RFX8: variants seen among roughly 807,000 people sequenced by gnomAD.
RFX8 encodes the protein DNA-binding protein RFX8.
Under a neutral mutation model 54.6 loss-of-function variants are expected in RFX8, and 46 were observed. That is an observed-to-expected ratio of 0.84 (90% confidence interval 0.67 to 1.08). The LOEUF (loss-of-function observed/expected upper bound fraction) is 1.08, where lower values mean the gene tolerates loss of function less well. Ranked by LOEUF, RFX8 falls within the 50% of genes least tolerant of loss-of-function variation. The pLI is 0.00. For synonymous variants in RFX8, 192 were observed against 209.5 expected, an observed-to-expected ratio of 0.92 and a Z score of 0.72; for missense variants, 536 against 562.3, an observed-to-expected ratio of 0.95 and a Z score of 0.47.
At chr2:101,425,994 A>G (rs1274951988) in intron 2 of RFX8, among the ~76,000 whole-genome samples, 2 of 152,216 alleles carry the variant, frequency 1.3e-5, no homozygotes, top group Non-Finnish European at 2.9e-5. Context: ...GAGTGACTAT[A>G]GTTCACAAAA....
In RFX8 at chr2:101,417,524, C is replaced by T. The variant is rs185256514; in HGVS notation, c.502+10G>A. Reference sequence around the variant, plus strand: ...CCAGCCCAGAATTTATTTTTTTCATCGAAACCTACCTTTGAGTTTGGAGAT... The same window carrying T: ...CCAGCCCAGAATTTATTTTTTTCATTGAAACCTACCTTTGAGTTTGGAGAT... On this transcript the variant is annotated intron_variant, in intron 6 of 11. Transcript: ENST00000428343. The T allele has an allele frequency of 8.6e-5, 133 of 1,540,350 alleles. No individual in the cohort carries two copies. Among genetic ancestry groups the T allele is most frequent in the Admixed American group, 4.1e-4 (20 of 48,324 alleles).
At chr2:101,473,027 A>AG (rs1430426745) in intron 1 of RFX8, among the ~76,000 whole-genome samples, 1 of 152,146 alleles carries the variant, frequency 6.6e-6, no homozygotes, top group Non-Finnish European at 1.5e-5. Flanking sequence ...ACAAAAAAAA[A>AG]AGAGAGAAAA....
chr2:101,451,952 G>T (rs1355100966), intron 2 of RFX8, among the ~76,000 whole-genome samples: 1 of 152,076 alleles, frequency 6.6e-6, no homozygotes, highest in Admixed American at 6.6e-5. Context: ...AACTAGCCAG[G>T]CCTGGTGGGA....
At chr2:101,412,522 G>C (rs1260989589) in intron 8 of RFX8, among the ~76,000 whole-genome samples, 1 of 152,210 alleles carries the variant, frequency 6.6e-6, no homozygotes, top group Non-Finnish European at 1.5e-5. Context: ...CAGACATCTA[G>C]CTCAAGGCAG....
At position 101,466,792 on chromosome 2, in the gene RFX8, C is replaced by T. The variant is rs183254040; in HGVS notation, c.57G>A (p.Pro19=). 68 of 1,551,236 alleles carry T rather than the reference C, an allele frequency of 4.4e-5. No individual in the cohort carries two copies. The highest frequency in any genetic ancestry group is 3.7e-4 in the East Asian group (15 of 40,916). The change falls in exon 2 of 12, where the codon CCG becomes CCA. Residue 19 remains proline (P), a synonymous_variant. Transcript: ENST00000428343. Reference sequence around the variant, plus strand: ...AACAACTTACCTTCCCAAAGGTGGCCGGGTTGACTTGGTTCTCAGTGTTTT... The same window carrying T: ...AACAACTTACCTTCCCAAAGGTGGCTGGGTTGACTTGGTTCTCAGTGTTTT... The part of the protein sequence containing the change: ...CGQNTENQVN[P]ATFGKCEDHS...
rs182341958 is a variant in RFX8 at position 101,426,873 on chromosome 2, C to A, written c.73-4401G>T. 1.0e-3 allele frequency among the ~76,000 whole-genome samples: 153 copies of A among 152,294 alleles called. 2 individuals carry two copies. The highest frequency in any genetic ancestry group is 3.5e-3 in the African/African-American group (144 of 41,560). On this transcript the variant is annotated intron_variant, in intron 2 of 11. Coordinates refer to ENST00000428343, the MANE Select transcript of RFX8 (RefSeq NM_001145664.2). ...GAAGACACTGTTCCCAGAATTATCA[C>A]CCCCCAAAGCAAATGTATCCTGTCA...
chr2:101,448,683 G>T (rs1317650439), intron 2 of RFX8, among the ~76,000 whole-genome samples: 1 of 152,164 alleles, frequency 6.6e-6, no homozygotes, highest in Non-Finnish European at 1.5e-5. Flanking sequence ...TACCCATACT[G>T]GAGGCTCCTC....
At chr2:101,467,552 T>C (rs934285546) in intron 1 of RFX8, among the ~76,000 whole-genome samples, 11 of 152,224 alleles carry the variant, frequency 7.2e-5, no homozygotes, top group African/African-American at 2.4e-4. Flanking sequence ...TCTTCCCTAT[T>C]GGTACAGAGC....
At chr2:101,454,771 A>C (rs1573465782) in intron 2 of RFX8, among the ~76,000 whole-genome samples, 1 of 151,992 alleles carries the variant, frequency 6.6e-6, no homozygotes, top group Non-Finnish European at 1.5e-5. Context: ...AAATTTGTTT[A>C]AGTTATTTGT....
intron 6 of RFX8, 35 bp downstream of exon 6, chr2:101,417,499 C>G (rs994113627): frequency 1.3e-6 from 2 of 1,530,652 alleles, no homozygotes; most frequent in African/African-American, 2.8e-5. Context: ...AGCCACTGTG[C>G]CAGCCCAGAA....
At chr2:101,446,183 T>G (rs150577971) in intron 2 of RFX8, among the ~76,000 whole-genome samples, 1 of 152,300 alleles carries the variant, frequency 6.6e-6, no homozygotes, top group South Asian at 2.1e-4. Context: ...TTGTTTTTTG[T>G]TATTCTTTTT....
intron 6 of RFX8, among the ~76,000 whole-genome samples, chr2:101,417,111 C>T (rs910739098): frequency 3.6e-4 from 55 of 152,348 alleles, no homozygotes; most frequent in African/African-American, 1.2e-3. Flanking sequence ...CTGGGCCTTC[C>T]GGACTGTAGC....
rs376334564 is a variant in RFX8 at position 101,440,659 on chromosome 2, CTG to C, written c.73-18189_73-18188del. 1.4e-4 allele frequency among the ~76,000 whole-genome samples: 22 copies of C among 152,308 alleles called. 1 individual carries two copies. The East Asian group carries it at 4.1e-3, about 28-fold the overall frequency. On this transcript the variant is annotated intron_variant, in intron 2 of 11. Transcript: ENST00000428343. ...TCCATCATGATCCTGGGTATCTTTA[CTG>C]TGTCACTGTCATAAATCTTAGCCAT...
intron 9 of RFX8, among the ~76,000 whole-genome samples, chr2:101,407,624 G>A (rs1259122462): frequency 6.6e-6 from 1 of 152,042 alleles, no homozygotes; most frequent in Admixed American, 6.6e-5. Context: ...CCTGGGAGGC[G>A]GAGGTTGCAG....
At chr2:101,455,072 A>G (rs7597733) in intron 2 of RFX8, among the ~76,000 whole-genome samples, 51,015 of 149,198 alleles carry the variant, frequency 0.34, 9,360 homozygotes, top group African/African-American at 0.44. Context: ...GTGCAATGGC[A>G]CAATCTCAGC....
chr2:101,421,614 A>G (rs1468597560), intron 4 of RFX8, 110 bp downstream of exon 4: 3 of 1,472,864 alleles, frequency 2.0e-6, no homozygotes, highest in Non-Finnish European at 2.7e-6. Context: ...GTGGGTTACC[A>G]TTGGACATCT....
At chr2:101,415,314 C>G (rs1050335032) in intron 6 of RFX8, among the ~76,000 whole-genome samples, 1 of 152,172 alleles carries the variant, frequency 6.6e-6, no homozygotes, top group South Asian at 2.1e-4. Flanking sequence ...GCCTCTTTCA[C>G]CATGTGAAGA....
At chr2:101,472,136 T>G (rs983306320) in intron 1 of RFX8, among the ~76,000 whole-genome samples, 1 of 152,224 alleles carries the variant, frequency 6.6e-6, no homozygotes, top group African/African-American at 2.4e-5. Context: ...GTTTCACTCT[T>G]GTCGCCCACG....
intron 7 of RFX8, among the ~76,000 whole-genome samples, chr2:101,413,562 G>A (rs1558846125): frequency 6.6e-6 from 1 of 152,202 alleles, no homozygotes; most frequent in African/African-American, 2.4e-5. Flanking sequence ...CTGTCCGACT[G>A]CCTGGGATGC....
Sources: allele counts gnomAD v4.1 joint callset (sites outside exome capture counted in the v4.1 genomes callset), GRCh38; gene constraint gnomAD v4.1.1; transcripts MANE v1.5; gene names NCBI Gene and HGNC (gene_info 2026-07-23, HGNC 2026-07-21).